The following KHDRBS3 variants were observed in gnomAD, a reference collection of about 807,000 sequenced individuals.
The protein encoded by KHDRBS3 is KH domain-containing, RNA-binding, signal transduction-associated protein 3.
A neutral mutation model predicts 45.6 loss-of-function variants in KHDRBS3; 23 were observed. The ratio of observed to expected loss-of-function variants is 0.50; its 90% CI spans 0.36 to 0.72. The LOEUF is 0.72. KHDRBS3 is among the 30% of genes least tolerant of loss of function. KHDRBS3 has a pLI of 0.00. For synonymous variants in KHDRBS3, 162 were observed against 156.5 expected (o/e 1.04, Z -0.26); for missense variants, 352 against 424.8 (o/e 0.83, Z 1.51).
chr8:135,645,225 A>T, intron 8 of KHDRBS3, 108 bp downstream of exon 8: 1 of 1,078,014 alleles, frequency 9.3e-7, no homozygotes, highest in Non-Finnish European at 1.4e-6. Context: ...CTGAAACAGC[A>T]GCTTCCTGTC....
intron 5 of KHDRBS3, among the ~76,000 whole-genome samples, chr8:135,579,492 G>T (rs753865012): frequency 1.3e-5 from 2 of 151,958 alleles, no homozygotes; most frequent in African/African-American, 2.4e-5. Context: ...GTATCACCAC[G>T]CCTGGCTAAT....
At chr8:135,464,795 A>G (rs1393290989) in intron 1 of KHDRBS3, among the ~76,000 whole-genome samples, 1 of 152,226 alleles carries the variant, frequency 6.6e-6, no homozygotes, top group African/African-American at 2.4e-5. Context: ...CGAGGTCAGG[A>G]AGGTCACATA....
chr8:135,594,144 G>A (rs908070947), intron 6 of KHDRBS3, among the ~76,000 whole-genome samples: 1 of 152,124 alleles, frequency 6.6e-6, no homozygotes, highest in Admixed American at 6.6e-5. Flanking sequence ...TAGAGCATGA[G>A]GTACATAACA....
At chr8:135,489,644 C>G (rs1269728181) in intron 1 of KHDRBS3, among the ~76,000 whole-genome samples, 1 of 152,100 alleles carries the variant, frequency 6.6e-6, no homozygotes, top group Non-Finnish European at 1.5e-5. Flanking sequence ...CGCCACTGCA[C>G]TCTATCTGGC....
intron 1 of KHDRBS3, among the ~76,000 whole-genome samples, chr8:135,462,797 C>T (rs1821496478): frequency 1.3e-5 from 2 of 151,990 alleles, no homozygotes; most frequent in African/African-American, 4.8e-5. Flanking sequence ...TTTTACAGGT[C>T]CATTGTTCTT....
At chr8:135,505,256 T>C (rs1232452687) in intron 1 of KHDRBS3, among the ~76,000 whole-genome samples, 1 of 152,170 alleles carries the variant, frequency 6.6e-6, no homozygotes, top group Non-Finnish European at 1.5e-5. Flanking sequence ...TTTTCCCCCA[T>C]TTTTATGCAT....
intron 2 of KHDRBS3, among the ~76,000 whole-genome samples, chr8:135,535,282 A>T (rs1223643896): frequency 7.6e-6 from 1 of 131,004 alleles, no homozygotes; most frequent in African/African-American, 2.8e-5. Flanking sequence ...GTTAAACTAT[A>T]TATAAACTAT....
chr8:135,467,388 A>T (rs1252400423), intron 1 of KHDRBS3, among the ~76,000 whole-genome samples: 2 of 152,258 alleles, frequency 1.3e-5, no homozygotes, highest in African/African-American at 4.8e-5. Context: ...CAGTGCTGTT[A>T]TCTCATCTAC....
intron 1 of KHDRBS3, among the ~76,000 whole-genome samples, chr8:135,494,234 T>G (rs182809450): frequency 4.6e-5 from 7 of 151,656 alleles, no homozygotes; most frequent in Non-Finnish European, 8.8e-5. Flanking sequence ...GTAATTTCTT[T>G]GGTATCTTCT....
rs1051731290 is a variant in KHDRBS3 at position 135,610,528 on chromosome 8, G to A, written c.890+3491G>A. ...CTTGGAATACAAAGATTATTAAGACGGAGACTCTATCCTTGAAAAGCTTAC... is the reference window on the plus strand; with the variant it reads ...CTTGGAATACAAAGATTATTAAGACAGAGACTCTATCCTTGAAAAGCTTAC... On this transcript the variant is annotated intron_variant, in intron 7 of 8. Coordinates refer to ENST00000355849, the MANE Select transcript of KHDRBS3 (RefSeq NM_006558.3). 9.1e-5 allele frequency among the ~76,000 whole-genome samples: 13 copies of A among 143,208 alleles called. 1 individual carries two copies. The East Asian group carries it at 1.7e-3, about 19-fold the overall frequency. 94.0% of individuals were successfully genotyped at this position (143,208 alleles called of 152,430 possible). A position where few individuals can be genotyped will look rare whatever the true frequency, so the allele number is the denominator to read the frequency against.
At chr8:135,535,115 A>G (rs1825669622) in intron 2 of KHDRBS3, among the ~76,000 whole-genome samples, 1 of 152,010 alleles carries the variant, frequency 6.6e-6, no homozygotes, top group Non-Finnish European at 1.5e-5. Flanking sequence ...ATAGCCTTAA[A>G]GTGGAACTTT....
intron 4 of KHDRBS3, among the ~76,000 whole-genome samples, chr8:135,555,122 A>G (rs1245869552): frequency 6.6e-6 from 1 of 152,212 alleles, no homozygotes; most frequent in African/African-American, 2.4e-5. Context: ...AATGAATCCC[A>G]TAGAATTAGG....
chr8:135,608,696 C>T (rs1441947974), intron 7 of KHDRBS3, among the ~76,000 whole-genome samples: 4 of 152,124 alleles, frequency 2.6e-5, no homozygotes, highest in South Asian at 2.1e-4. Flanking sequence ...TGTCATTTAA[C>T]GACTGGGATA....
intron 1 of KHDRBS3, among the ~76,000 whole-genome samples, chr8:135,473,607 GGCTTTGGACAGGA>G (rs1822123602): frequency 6.6e-6 from 1 of 152,148 alleles, no homozygotes; most frequent in African/African-American, 2.4e-5. Context: ...CTTTCATTGT[GGCTTTGGACAGGA>G]GCAGGCTCAC....
At chr8:135,533,524 A>G (rs1825584894) in intron 2 of KHDRBS3, among the ~76,000 whole-genome samples, 1 of 152,178 alleles carries the variant, frequency 6.6e-6, no homozygotes, top group Non-Finnish European at 1.5e-5. Context: ...TTGAAGGAGC[A>G]AAGGTGTAAA....
intron 1 of KHDRBS3, among the ~76,000 whole-genome samples, chr8:135,506,239 G>T (rs910159714): frequency 3.3e-5 from 5 of 151,954 alleles, no homozygotes; most frequent in African/African-American, 1.2e-4. Context: ...TCTATTCAAG[G>T]TGCAAAACTA....
At chr8:135,518,314 AG>A (rs1168881606) in intron 1 of KHDRBS3, among the ~76,000 whole-genome samples, 1 of 152,040 alleles carries the variant, frequency 6.6e-6, no homozygotes, top group African/African-American at 2.4e-5. Flanking sequence ...GCTGGACTAC[AG>A]GCGCCTGCCA....
At chr8:135,584,404 T>G (rs1439758233) in intron 6 of KHDRBS3, among the ~76,000 whole-genome samples, 1 of 152,202 alleles carries the variant, frequency 6.6e-6, no homozygotes, top group Non-Finnish European at 1.5e-5. Context: ...GGAAAAGAAA[T>G]ACCATCATGA....
chr8:135,563,521 T>C (rs1827264838), intron 5 of KHDRBS3, among the ~76,000 whole-genome samples: 1 of 152,230 alleles, frequency 6.6e-6, no homozygotes, highest in Non-Finnish European at 1.5e-5. Context: ...CCAATTTACC[T>C]TATTTATTCA....
Sources: allele counts gnomAD v4.1 joint callset (sites outside exome capture counted in the v4.1 genomes callset), GRCh38; gene constraint gnomAD v4.1.1; transcripts MANE v1.5; gene names NCBI Gene and HGNC (gene_info 2026-07-23, HGNC 2026-07-21).